Variants in TTC39C observed in about 807,000 individuals in gnomAD.
The protein encoded by TTC39C is tetratricopeptide repeat domain 39C, also known as tetratricopeptide repeat protein 39C.
A neutral mutation model predicts 76.3 loss-of-function variants in TTC39C; 33 were observed. That is an observed-to-expected ratio of 0.43 (90% CI 0.33 to 0.58). The LOEUF (loss-of-function observed/expected upper bound fraction) is 0.58. Among genes scored for constraint, TTC39C ranks in the 20% least tolerant of loss-of-function variants. The probability of loss-of-function intolerance (pLI) is 0.04; values close to 1 mark genes in which losing one functional copy is unlikely to be tolerated. For missense variants in TTC39C, 595 were observed against 701.4 expected (o/e 0.85, Z 1.71); for synonymous variants, 254 against 260.6 (o/e 0.97, Z 0.24).
intron 1 of TTC39C, among the ~76,000 whole-genome samples, chr18:24,019,557 C>T (rs1048456502): frequency 4.6e-5 from 7 of 152,150 alleles, no homozygotes; most frequent in Non-Finnish European, 1.0e-4. Flanking sequence ...CAGTTTTTGG[C>T]GCATGTGACA....
At chr18:24,130,807 G>T (rs1046366497) in intron 12 of TTC39C, among the ~76,000 whole-genome samples, 3 of 151,774 alleles carry the variant, frequency 2.0e-5, no homozygotes, top group African/African-American at 7.3e-5. Context: ...TTACTGTATT[G>T]AATACTGTAG....
chr18:24,069,409 G>A, intron 4 of TTC39C, 138 bp downstream of exon 4: 5 of 708,262 alleles, frequency 7.1e-6, no homozygotes, highest in Non-Finnish European at 9.2e-6. Context: ...ATTTATTACT[G>A]GGGAAATTGA....
At chr18:24,059,959 T>C (rs1215439971) in intron 1 of TTC39C, among the ~76,000 whole-genome samples, 1 of 152,160 alleles carries the variant, frequency 6.6e-6, no homozygotes, top group Non-Finnish European at 1.5e-5. Context: ...GGGAAATGCC[T>C]TATAAAACAA....
intron 1 of TTC39C, among the ~76,000 whole-genome samples, chr18:24,029,291 C>T (rs550983989): frequency 1.7e-4 from 26 of 152,174 alleles, no homozygotes; most frequent in African/African-American, 5.5e-4. Context: ...TTAGTAAAGA[C>T]GGGGTTTTTC....
At chr18:24,100,984 G>A (rs1416722546) in intron 6 of TTC39C, among the ~76,000 whole-genome samples, 1 of 152,104 alleles carries the variant, frequency 6.6e-6, no homozygotes, top group Non-Finnish European at 1.5e-5. Context: ...ATTCTCCAAG[G>A]GGAAGATAAG....
chr18:24,055,251 A>G (rs2084000498), intron 1 of TTC39C, among the ~76,000 whole-genome samples: 1 of 152,140 alleles, frequency 6.6e-6, no homozygotes, highest in African/African-American at 2.4e-5. Flanking sequence ...TCTTTTGTGT[A>G]TATGCCTAGA....
intron 6 of TTC39C, among the ~76,000 whole-genome samples, chr18:24,097,246 G>A (rs1379147525): frequency 6.6e-6 from 1 of 152,152 alleles, no homozygotes; most frequent in Non-Finnish European, 1.5e-5. Context: ...AAAATGCCTT[G>A]AGCATCCCAA....
chr18:24,048,718 T>C (rs1010438652), intron 1 of TTC39C, among the ~76,000 whole-genome samples: 3 of 151,944 alleles, frequency 2.0e-5, no homozygotes, highest in Non-Finnish European at 4.4e-5. Flanking sequence ...TTATAAGTGC[T>C]ATATTTACCT....
At chr18:24,066,635 G>T (rs1599291826) in intron 3 of TTC39C, among the ~76,000 whole-genome samples, 1 of 152,292 alleles carries the variant, frequency 6.6e-6, no homozygotes, top group Admixed American at 6.5e-5. Context: ...CACCCTCCTA[G>T]CCCTGATGTT....
intron 11 of TTC39C, among the ~76,000 whole-genome samples, chr18:24,129,503 G>A (rs1460437580): frequency 2.0e-5 from 3 of 152,116 alleles, no homozygotes; most frequent in Non-Finnish European, 4.4e-5. Context: ...GCCGGGCACG[G>A]TGGCTCACAC....
chr18:24,069,172 TCCGC>T lies in TTC39C; in HGVS notation c.364_367del (p.Ala122ProfsTer11), dbSNP rs2084205981. 2 of 1,613,678 alleles carry T rather than the reference TCCGC, an allele frequency of 1.2e-6. No individual in the cohort carries two copies. The highest frequency in any genetic ancestry group is 1.7e-6 in the Non-Finnish European group (2 of 1,179,716). On this transcript the variant is annotated frameshift_variant, in exon 4 of 14. Transcript: ENST00000317571. LOFTEE classifies it high-confidence loss of function. ...TGCCAAACAGGTTGATGTCCGAAAATCCGCCCCCTCTATGGTTGATCGGCTTCAG... is the reference window on the plus strand; with the variant it reads ...TGCCAAACAGGTTGATGTCCGAAAATCCCCTCTATGGTTGATCGGCTTCAG...
intron 4 of TTC39C, among the ~76,000 whole-genome samples, chr18:24,073,130 C>T (rs1215442091): frequency 1.3e-5 from 2 of 152,198 alleles, no homozygotes; most frequent in Non-Finnish European, 2.9e-5. Flanking sequence ...CTCCCTGTAC[C>T]CTGGGGAACT....
chr18:24,007,457 C>T (rs929195858), intron 1 of TTC39C, among the ~76,000 whole-genome samples: 5 of 152,178 alleles, frequency 3.3e-5, no homozygotes, highest in African/African-American at 4.8e-5. Context: ...GATCTCGGCT[C>T]GCTGCAACTT....
chr18:24,057,267 G>A (rs1422542025), intron 1 of TTC39C, among the ~76,000 whole-genome samples: 2 of 152,190 alleles, frequency 1.3e-5, no homozygotes, highest in Admixed American at 1.3e-4. Flanking sequence ...CCGAAAAAAA[G>A]AATACTAATT....
intron 1 of TTC39C, among the ~76,000 whole-genome samples, chr18:24,025,369 A>G (rs2083587001): frequency 1.3e-5 from 2 of 152,318 alleles, no homozygotes; most frequent in South Asian, 2.1e-4. Context: ...TTGGCAGGTG[A>G]TATACAAATG....
intron 9 of TTC39C, 147 bp downstream of exon 9, chr18:24,124,090 T>C: frequency 3.5e-6 from 2 of 573,008 alleles, no homozygotes; most frequent in South Asian, 2.3e-5. Context: ...GAGGATTCTC[T>C]CCATGATTGT....
chr18:24,047,103 T>TC lies in TTC39C; in HGVS notation c.168-17036dup, dbSNP rs1284482410. On this transcript the variant is annotated intron_variant, in intron 1 of 13. Transcript: ENST00000317571. ...ACATTGATATATATTTCTTTTTTTTTCTTTTTTTGAGATGGAGTCTCACTC... is the reference window on the plus strand; with the variant it reads ...ACATTGATATATATTTCTTTTTTTTTCCTTTTTTTGAGATGGAGTCTCACTC... 2.0e-5 allele frequency among the ~76,000 whole-genome samples: 3 copies of TC among 151,862 alleles called. No individual in the cohort carries two copies. The East Asian group carries it at 5.8e-4, about 29-fold the overall frequency.
At chr18:23,993,958 T>C (rs546586894) in intron 1 of TTC39C, among the ~76,000 whole-genome samples, 3 of 152,336 alleles carry the variant, frequency 2.0e-5, no homozygotes, top group Admixed American at 1.3e-4. Flanking sequence ...GAAAGCTTCA[T>C]ATTAATCTTA....
intron 6 of TTC39C, among the ~76,000 whole-genome samples, chr18:24,093,646 A>C (rs1423382596): frequency 6.6e-6 from 1 of 152,204 alleles, no homozygotes; most frequent in Non-Finnish European, 1.5e-5. Flanking sequence ...CACTGCACTA[A>C]AGCAAATATC....
Sources: allele counts gnomAD v4.1 joint callset (sites outside exome capture counted in the v4.1 genomes callset), GRCh38; gene constraint gnomAD v4.1.1; transcripts MANE v1.5; gene names NCBI Gene and HGNC (gene_info 2026-07-23, HGNC 2026-07-21).